ZNF532: variants seen among roughly 807,000 people sequenced by gnomAD.
ZNF532 encodes the protein zinc finger protein 532.
In ZNF532, 22 loss-of-function variants were observed where a neutral mutation model predicts 89.3. That is an observed-to-expected ratio of 0.25 (90% CI 0.18 to 0.35). The LOEUF (loss-of-function observed/expected upper bound fraction) is 0.35. ZNF532 is among the 10% of genes least tolerant of loss of function. ZNF532 has a pLI of 1.00. For missense variants in ZNF532, 1,132 were observed against 1,643.4 expected, an observed-to-expected ratio of 0.69 and a Z score of 5.38; for synonymous variants, 606 against 649.6, an observed-to-expected ratio of 0.93 and a Z score of 1.02.
At chr18:58,960,726 G>A (rs1314596341) in intron 7 of ZNF532, among the ~76,000 whole-genome samples, 4 of 152,146 alleles carry the variant, frequency 2.6e-5, no homozygotes, top group Admixed American at 1.3e-4. Context: ...TAGTGCAGGA[G>A]GGCCTGGGTG....
At chr18:58,936,156 C>T (rs1381973858) in intron 4 of ZNF532, among the ~76,000 whole-genome samples, 2 of 152,332 alleles carry the variant, frequency 1.3e-5, no homozygotes, top group African/African-American at 4.8e-5. Flanking sequence ...CGTATTCTTT[C>T]TGTGCCATGG....
intron 2 of ZNF532, among the ~76,000 whole-genome samples, chr18:58,889,294 C>T (rs976559960): frequency 3.9e-5 from 6 of 152,140 alleles, no homozygotes; most frequent in Admixed American, 3.9e-4. Flanking sequence ...CTGGGCACTT[C>T]CTGTTTCCAG....
chr18:58,885,328 G>A (rs765433789), intron 2 of ZNF532, among the ~76,000 whole-genome samples: 3 of 152,196 alleles, frequency 2.0e-5, no homozygotes, highest in East Asian at 3.9e-4. Context: ...TTAAAAGAAC[G>A]TATAGCCAGT....
At chr18:58,936,826 C>T (rs546056671) in intron 4 of ZNF532, among the ~76,000 whole-genome samples, 7 of 152,174 alleles carry the variant, frequency 4.6e-5, no homozygotes, top group East Asian at 1.9e-4. Flanking sequence ...GGCTTAGTAG[C>T]CCCGTGGCCT....
intron 2 of ZNF532, among the ~76,000 whole-genome samples, chr18:58,890,419 C>T (rs1162687659): frequency 6.6e-6 from 1 of 151,754 alleles, no homozygotes; most frequent in South Asian, 2.1e-4. Context: ...CCAGTTTGAT[C>T]CTTATTCTTT....
intron 7 of ZNF532, among the ~76,000 whole-genome samples, chr18:58,956,230 G>A (rs2064763395): frequency 6.6e-6 from 1 of 152,216 alleles, no homozygotes; most frequent in African/African-American, 2.4e-5. Flanking sequence ...GCACGCATGT[G>A]CCCTTGGTTT....
intron 3 of ZNF532, among the ~76,000 whole-genome samples, chr18:58,925,355 C>T (rs887605945): frequency 6.6e-6 from 1 of 152,146 alleles, no homozygotes; most frequent in Non-Finnish European, 1.5e-5. Flanking sequence ...TCATGTTTCC[C>T]TAGTGGCTAA....
At chr18:58,928,263 C>T (rs1264828235) in intron 3 of ZNF532, among the ~76,000 whole-genome samples, 1 of 152,104 alleles carries the variant, frequency 6.6e-6, no homozygotes, top group African/African-American at 2.4e-5. Context: ...CTGAGACTGC[C>T]AGTATGCCAT....
chr18:58,938,356 G>A (rs983791760), intron 4 of ZNF532, among the ~76,000 whole-genome samples: 26 of 152,194 alleles, frequency 1.7e-4, no homozygotes, highest in Admixed American at 1.7e-3. Context: ...GTTGCTTAGA[G>A]TCTTTGTGTG....
chr18:58,916,324 A>T (rs2060597408), intron 2 of ZNF532, among the ~76,000 whole-genome samples: 1 of 152,148 alleles, frequency 6.6e-6, no homozygotes, highest in South Asian at 2.1e-4. Context: ...TTGCAGTTTA[A>T]ATGTTCAATT....
Position 58,923,798 on chromosome 18 carries a change from G to A in ZNF532, c.2346+3165G>A, listed in dbSNP as rs149083601. ...TGCTTACAAATCTAGAAATGGACACGGGAGCCTGAAGTACCGGCAACTGTG... is the reference window on the plus strand; with the variant it reads ...TGCTTACAAATCTAGAAATGGACACAGGAGCCTGAAGTACCGGCAACTGTG... On this transcript the variant is annotated intron_variant, in intron 3 of 9. Coordinates refer to ENST00000591808, the MANE Select transcript of ZNF532 (RefSeq NM_001375912.1). 6.3e-3 allele frequency among the ~76,000 whole-genome samples: 957 copies of A among 152,222 alleles called. 25 individuals carry two copies. Among genetic ancestry groups the A allele is most frequent in the Admixed American group, 0.051 (781 of 15,288 alleles).
chr18:58,916,271 G>A (rs2060593451), intron 2 of ZNF532, among the ~76,000 whole-genome samples: 1 of 152,206 alleles, frequency 6.6e-6, no homozygotes, highest in African/African-American at 2.4e-5. Context: ...GGATTCTTTT[G>A]TGGATATAGT....
intron 3 of ZNF532, among the ~76,000 whole-genome samples, chr18:58,930,419 G>A (rs1261863779): frequency 1.3e-5 from 2 of 152,134 alleles, no homozygotes; most frequent in East Asian, 3.9e-4. Flanking sequence ...CTGAGCTCAG[G>A]AGTTCGAGAC....
At chr18:58,938,267 T>C (rs1291524569) in intron 4 of ZNF532, among the ~76,000 whole-genome samples, 4 of 152,344 alleles carry the variant, frequency 2.6e-5, no homozygotes, top group Middle Eastern at 3.4e-3. Flanking sequence ...TGGAGACTTT[T>C]GTACCTGCAG....
intron 7 of ZNF532, among the ~76,000 whole-genome samples, chr18:58,958,065 C>CAAAAAA (rs71336311): frequency 4.8e-5 from 6 of 124,614 alleles, no homozygotes; most frequent in Admixed American, 2.4e-4. Flanking sequence ...GACAATGTGT[C>CAAAAAA]AAAAAAAAAA....
chr18:58,889,282 C>A lies in ZNF532; in HGVS notation c.-18+23703C>A, dbSNP rs116716228. On this transcript the variant is annotated intron_variant, in intron 2 of 9. Coordinates refer to ENST00000591808, the MANE Select transcript of ZNF532 (RefSeq NM_001375912.1). Reference sequence around the variant, plus strand: ...AGCTAGATAGAGGTGAATAAACCCTCCCTGGGCACTTCCTGTTTCCAGGTA... The same window carrying A: ...AGCTAGATAGAGGTGAATAAACCCTACCTGGGCACTTCCTGTTTCCAGGTA... Among the ~76,000 whole-genome samples the A allele has an allele frequency of 5.9e-3, 896 of 152,182 alleles. 8 individuals are homozygous for A. The highest frequency in any genetic ancestry group is 0.016 in the African/African-American group (648 of 41,522).
In ZNF532 at chr18:58,926,199, G is replaced by A. The variant is rs2061505550; in HGVS notation, c.2346+5566G>A. 2 of 152,128 alleles carry A rather than the reference G, an allele frequency of 1.3e-5. 1 individual carries two copies. The highest frequency in any genetic ancestry group is 4.1e-4 in the South Asian group (2 of 4,830). 9.4% of individuals were successfully genotyped at this position (152,128 alleles called of 1,614,324 possible). On this transcript the variant is annotated intron_variant, in intron 3 of 9. Coordinates refer to ENST00000591808, the MANE Select transcript of ZNF532 (RefSeq NM_001375912.1). Reference sequence around the variant, plus strand: ...AGAATTGACATCTTTACTATATTGAGCGTTTCAGTCCATGAACATGGGCAT... The same window carrying A: ...AGAATTGACATCTTTACTATATTGAACGTTTCAGTCCATGAACATGGGCAT...
At chr18:58,915,479 C>G (rs2060536852) in intron 2 of ZNF532, among the ~76,000 whole-genome samples, 1 of 152,178 alleles carries the variant, frequency 6.6e-6, no homozygotes, top group African/African-American at 2.4e-5. Context: ...GAAAGAGTTG[C>G]TTCTCAACCC....
At chr18:58,870,766 G>A (rs1025478686) in intron 2 of ZNF532, among the ~76,000 whole-genome samples, 2 of 152,160 alleles carry the variant, frequency 1.3e-5, no homozygotes, top group African/African-American at 4.8e-5. Flanking sequence ...GCCAGGTAGT[G>A]CCTGATTGGA....
Sources: allele counts gnomAD v4.1 joint callset (sites outside exome capture counted in the v4.1 genomes callset), GRCh38; gene constraint gnomAD v4.1.1; transcripts MANE v1.5; gene names NCBI Gene and HGNC (gene_info 2026-07-23, HGNC 2026-07-21).